Variants in SLC5A9 observed in about 807,000 individuals in gnomAD.
SLC5A9 encodes the protein sodium/glucose cotransporter 4.
In SLC5A9, 59 loss-of-function variants were observed where a neutral mutation model predicts 70.9. The observed-to-expected ratio is 0.83, with a 90% CI of 0.68 to 1.03. The LOEUF (loss-of-function observed/expected upper bound fraction) is 1.03, where lower values mean the gene tolerates loss of function less well. SLC5A9 is among the 50% of genes least tolerant of loss of function. The pLI, the probability that SLC5A9 is intolerant of heterozygous loss-of-function variation, is 0.00. For synonymous variants in SLC5A9, 340 were observed against 346.5 expected, an observed-to-expected ratio of 0.98 and a Z score of 0.21; for missense variants, 832 against 881.1, an observed-to-expected ratio of 0.94 and a Z score of 0.71.
rs781372055 is a variant in SLC5A9 at position 48,231,558 on chromosome 1, C to T, written c.624C>T (p.Ala208=). ...AVYTIAGGLM[A]VIYTDALQTV... is the part of the protein sequence containing the mutation. ...TTGGGTCCCCAGGTGGCCTCATGGC[C>T]GTGATCTACACAGATGCTCTGCAGA... The change falls in exon 6 of 14, where the codon GCC becomes GCT. Residue 208 remains alanine (A), a synonymous_variant. Transcript: ENST00000438567. 13 of 1,613,938 alleles carry T rather than the reference C, an allele frequency of 8.1e-6. No homozygotes were observed. Among genetic ancestry groups the T allele is most frequent in the Admixed American group, 3.3e-5 (2 of 60,006 alleles).
intron 13 of SLC5A9, among the ~76,000 whole-genome samples, chr1:48,245,037 T>A (rs1569872275): frequency 6.8e-6 from 1 of 146,594 alleles, no homozygotes; most frequent in Non-Finnish European, 1.5e-5. Context: ...GTTCTGTTGC[T>A]ATGTGACCTT....
rs1180733852 is a variant in SLC5A9, at chr1:48,248,503, T to C, written c.*960T>C. 2 of 152,340 alleles carry C rather than the reference T, an allele frequency of 1.3e-5. No homozygotes were observed. The highest frequency in any genetic ancestry group is 2.4e-5 in the African/African-American group (1 of 41,464). 9.4% of individuals were successfully genotyped at this position (152,340 alleles called of 1,614,324 possible). A position where few individuals can be genotyped will look rare whatever the true frequency, so the allele number is the denominator to read the frequency against. On this transcript the variant is annotated 3_prime_UTR_variant, in exon 14 of 14. Coordinates refer to ENST00000438567, the MANE Select transcript of SLC5A9 (RefSeq NM_001011547.3). ...GGTCAAGTTCCCACTCCTGCTCCCATAGCCTTGACCTGCTTCTGTCACAGC... is the reference window on the plus strand; with the variant it reads ...GGTCAAGTTCCCACTCCTGCTCCCACAGCCTTGACCTGCTTCTGTCACAGC...
chr1:48,236,124 T>G (rs991219171), intron 10 of SLC5A9, among the ~76,000 whole-genome samples: 3 of 152,210 alleles, frequency 2.0e-5, no homozygotes, highest in Non-Finnish European at 4.4e-5. Context: ...TCAACAGGGT[T>G]GTCGAGAGAT....
At chr1:48,233,360 C>CAA (rs1157245912) in intron 8 of SLC5A9, among the ~76,000 whole-genome samples, 40 of 58,706 alleles carry the variant, frequency 6.8e-4, no homozygotes, top group African/African-American at 2.0e-3. Flanking sequence ...GACTCCATCT[C>CAA]AAAAAAAAAA....
intron 2 of SLC5A9, among the ~76,000 whole-genome samples, chr1:48,226,681 G>A (rs773433851): frequency 6.6e-6 from 1 of 152,188 alleles, no homozygotes; most frequent in African/African-American, 2.4e-5. Context: ...AGGTGCAGTC[G>A]CCCGTCCTCT....
chr1:48,227,881 G>C (rs1644187331), intron 2 of SLC5A9: 1 of 152,208 alleles, frequency 6.6e-6, no homozygotes, highest in Non-Finnish European at 1.5e-5. Context: ...AGAAGCTGAG[G>C]CGTTGATAGA....
intron 5 of SLC5A9, among the ~76,000 whole-genome samples, chr1:48,230,908 A>G (rs1443119056): frequency 6.6e-6 from 1 of 152,196 alleles, no homozygotes; most frequent in African/African-American, 2.4e-5. Context: ...AATGACAGAC[A>G]CAGGGACAGA....
chr1:48,241,822 C>T (rs1196738031), intron 12 of SLC5A9: 2 of 424,606 alleles, frequency 4.7e-6, no homozygotes, highest in African/African-American at 4.1e-5. Context: ...AAAGGCACCA[C>T]TACATGTCTG....
At chr1:48,244,874 A>ATGTG (rs1213238481) in intron 13 of SLC5A9, among the ~76,000 whole-genome samples, 1,632 of 24,348 alleles carry the variant, frequency 0.067, 511 homozygotes, top group Middle Eastern at 0.11. Context: ...ATGTATGTGT[A>ATGTG]TGTGTATATA....
chr1:48,228,823 G>T (rs780218434), intron 2 of SLC5A9, 27 bp from the exon 3 acceptor site: 3 of 1,612,810 alleles, frequency 1.9e-6, no homozygotes, highest in South Asian at 1.1e-5. Flanking sequence ...CCTGACTCCT[G>T]ACCCTTGACC....
At position 48,239,211 on chromosome 1, in the gene SLC5A9, C is replaced by T; in HGVS notation, c.1462-111C>T. 1.3e-6 allele frequency: 1 copy of T among 790,272 alleles called. No homozygotes were observed. Among genetic ancestry groups the T allele is most frequent in the Non-Finnish European group, 2.1e-6 (1 of 481,546 alleles). 49.0% of individuals were successfully genotyped at this position (790,272 alleles called of 1,614,324 possible). A position where few individuals can be genotyped will look rare whatever the true frequency, so the allele number is the denominator to read the frequency against. On this transcript the variant is annotated intron_variant, in intron 11 of 13. Coordinates refer to ENST00000438567, the MANE Select transcript of SLC5A9 (RefSeq NM_001011547.3). The surrounding 1 kb of genome is among the most constrained non-coding windows in gnomAD (Gnocchi z 4.2). ...ATTTTCCCATTAGTAGATGGATTTG[C>T]CCAACATGGCAATAAACCAGTGGGA...
Position 48,247,344 on chromosome 1 carries a change from G to T in SLC5A9, c.1847G>T (p.Arg616Met). ...GGCTTTGTCCCTCCAGCCCCAAGCA[G>T]GTCCTGGGGAAAGTTGCTCTGGAGC... ...LGQEQPEAPS[R>M]SWGKLLWSWF... The change falls in exon 14 of 14, where the codon AGG (arginine) becomes ATG (methionine). Residue 616 changes from arginine to methionine, a missense_variant. Transcript: ENST00000438567. 1.2e-6 allele frequency: 2 copies of T among 1,613,972 alleles called. No individual in the cohort carries two copies. The highest frequency in any genetic ancestry group is 2.2e-5 in the East Asian group (1 of 44,860).
At chr1:48,226,578 C>T (rs1461152220) in intron 2 of SLC5A9, among the ~76,000 whole-genome samples, 1 of 152,010 alleles carries the variant, frequency 6.6e-6, no homozygotes, top group Non-Finnish European at 1.5e-5. Context: ...AAGCTCAGTC[C>T]CACCAGCACT....
rs1384788833 is a variant in SLC5A9, at chr1:48,239,002, T to C, written c.1462-320T>C. ...CATCTGTTAATTAACTTAGTACTGA[T>C]TTAATTTTATGAATTTTTAAATTAC... On this transcript the variant is annotated intron_variant, in intron 11 of 13. Transcript: ENST00000438567. The surrounding 1 kb of genome is among the most constrained non-coding windows in gnomAD (Gnocchi z 4.2). 2.0e-5 allele frequency among the ~76,000 whole-genome samples: 3 copies of C among 152,228 alleles called. No individual in the cohort carries two copies. Among genetic ancestry groups the C allele is most frequent in the African/African-American group, 4.8e-5 (2 of 41,464 alleles).
chr1:48,247,366 G>C lies in SLC5A9; in HGVS notation c.1869G>C (p.Trp623Cys). Residue 623 changes from tryptophan to cysteine, a missense_variant, in exon 14 of 14, where the codon TGG becomes TGC. By Grantham distance (215) the Trp-to-Cys change is radical. Coordinates refer to ENST00000438567, the MANE Select transcript of SLC5A9 (RefSeq NM_001011547.3). ...GCAGGTCCTGGGGAAAGTTGCTCTGGAGCTGGTTCTGTGGGCTCTCTGGAA... is the reference window on the plus strand; with the variant it reads ...GCAGGTCCTGGGGAAAGTTGCTCTGCAGCTGGTTCTGTGGGCTCTCTGGAA... ...APSRSWGKLL[W>C]SWFCGLSGTP... The C allele has an allele frequency of 6.2e-7, 1 of 1,614,040 alleles. No homozygotes were observed.
intron 11 of SLC5A9, among the ~76,000 whole-genome samples, chr1:48,238,154 C>G (rs1644352694): frequency 6.6e-6 from 1 of 152,130 alleles, no homozygotes; most frequent in South Asian, 2.1e-4. Flanking sequence ...AGGGCACAAG[C>G]ACCTAACCTA....
chr1:48,226,681 G>T (rs773433851), intron 2 of SLC5A9, among the ~76,000 whole-genome samples: 1 of 152,306 alleles, frequency 6.6e-6, no homozygotes, highest in Non-Finnish European at 1.5e-5. Context: ...AGGTGCAGTC[G>T]CCCGTCCTCT....
intron 12 of SLC5A9, 117 bp from the exon 13 acceptor site, chr1:48,242,340 C>A: frequency 8.0e-7 from 1 of 1,251,066 alleles, no homozygotes; most frequent in Non-Finnish European, 1.1e-6. Flanking sequence ...CCAGCCCTGG[C>A]CTTGTTCTTT....
At chr1:48,227,221 CAT>C (rs1478065594) in intron 2 of SLC5A9, among the ~76,000 whole-genome samples, 3 of 95,888 alleles carry the variant, frequency 3.1e-5, no homozygotes, top group East Asian at 5.3e-4. Flanking sequence ...TGTGTGTGTG[CAT>C]GTGTGAGTGT....
Sources: gnomAD v4.1 joint callset for allele counts (sites outside exome capture counted in the v4.1 genomes callset) on GRCh38, gnomAD v4.1.1 for gene constraint, Gnocchi (gnomAD v3.1) non-coding constraint, MANE v1.5 for transcripts, NCBI Gene and HGNC (gene_info 2026-07-23, HGNC 2026-07-21) for gene names.